SLC25A21: variants seen among roughly 807,000 people sequenced by gnomAD.
SLC25A21 encodes the protein mitochondrial 2-oxodicarboxylate carrier.
In SLC25A21, 47 loss-of-function variants were observed where a neutral mutation model predicts 43.8. That is an observed-to-expected ratio of 1.07 (90% CI 0.85 to 1.37). The LOEUF is 1.37. Among genes scored for constraint, SLC25A21 ranks in the 40% most tolerant of loss-of-function variants. The pLI is 0.00. For synonymous variants in SLC25A21, 131 were observed against 121.3 expected, an observed-to-expected ratio of 1.08 and a Z score of -0.52; for missense variants, 352 against 350.2, an observed-to-expected ratio of 1.00 and a Z score of -0.04.
chr14:37,079,882 TGG>T (rs1293877546), intron 1 of SLC25A21, among the ~76,000 whole-genome samples: 1 of 152,186 alleles, frequency 6.6e-6, no homozygotes, highest in Admixed American at 6.5e-5. Flanking sequence ...TGTTAGGATG[TGG>T]GGCTTGTGGT....
chr14:36,853,580 C>T (rs1393432701), intron 2 of SLC25A21, among the ~76,000 whole-genome samples: 1 of 151,922 alleles, frequency 6.6e-6, no homozygotes, highest in African/African-American at 2.4e-5. Flanking sequence ...GGCCTGGCTG[C>T]TCTCTCACAC....
intron 1 of SLC25A21, among the ~76,000 whole-genome samples, chr14:37,088,042 C>G (rs1200594099): frequency 1.3e-5 from 2 of 152,136 alleles, no homozygotes; most frequent in African/African-American, 2.4e-5. Flanking sequence ...CAACTTGTAA[C>G]TTGAAATGTG....
rs115221117 is a variant in SLC25A21 at position 36,733,765 on chromosome 14, G to A, written c.270+742C>T. ...TTATTTGGTGATGTCAGTGGTGCGG[G>A]GGAGGGGAGCAATGCCTGTCAGAGT... is the stretch of plus-strand genomic sequence containing the variant. On this transcript the variant is annotated intron_variant, in intron 4 of 9. Transcript: ENST00000331299. 4.6e-3 allele frequency among the ~76,000 whole-genome samples: 704 copies of A among 152,262 alleles called. 7 individuals are homozygous for A. The highest frequency in any genetic ancestry group is 0.016 in the African/African-American group (649 of 41,532).
At chr14:36,876,548 T>C (rs1890530021) in intron 1 of SLC25A21, among the ~76,000 whole-genome samples, 1 of 152,102 alleles carries the variant, frequency 6.6e-6, no homozygotes. Flanking sequence ...AGCTTTATTA[T>C]TAAGCCCTGT....
chr14:36,806,300 T>C (rs1456177905), intron 3 of SLC25A21, among the ~76,000 whole-genome samples: 14 of 152,128 alleles, frequency 9.2e-5, no homozygotes, highest in Admixed American at 9.2e-4. Context: ...TGAAAAATTC[T>C]AGTGCTCCAT....
chr14:36,922,264 G>A (rs1470554922), intron 1 of SLC25A21, among the ~76,000 whole-genome samples: 2 of 152,026 alleles, frequency 1.3e-5, no homozygotes, highest in Non-Finnish European at 2.9e-5. Flanking sequence ...GACAAAATAT[G>A]GAGCAACTAT....
At chr14:36,973,023 ATTTTATTTTAT>A (rs1171044117) in intron 1 of SLC25A21, among the ~76,000 whole-genome samples, 16 of 61,976 alleles carry the variant, frequency 2.6e-4, no homozygotes, top group African/African-American at 2.0e-3. Context: ...TTATTTATTT[ATTTTATTTTAT>A]TTTATTTTAT....
At chr14:36,788,569 A>C (rs1887335122) in intron 3 of SLC25A21, 1 of 143,884 alleles carries the variant, frequency 7.0e-6, no homozygotes, top group Non-Finnish European at 1.5e-5. Context: ...AACTGAGGAC[A>C]GGCATCCTAG....
chr14:36,700,994 C>CT (rs1185378658), intron 7 of SLC25A21, among the ~76,000 whole-genome samples: 4 of 151,970 alleles, frequency 2.6e-5, no homozygotes, highest in African/African-American at 7.2e-5. Context: ...AGTGAACTGC[C>CT]TTTTTTTTAA....
At chr14:36,980,675 T>A (rs2180599) in intron 1 of SLC25A21, among the ~76,000 whole-genome samples, 1 of 152,026 alleles carries the variant, frequency 6.6e-6, no homozygotes, top group Non-Finnish European at 1.5e-5. Context: ...ACTCATTCTC[T>A]GTCCAGCTTT....
chr14:36,826,984 T>TGGGGATGAGGAC (rs1888857073), intron 2 of SLC25A21, among the ~76,000 whole-genome samples: 1 of 152,170 alleles, frequency 6.6e-6, no homozygotes, highest in African/African-American at 2.4e-5. Flanking sequence ...TGGATGAGGA[T>TGGGGATGAGGAC]GGGGATGAGG....
chr14:37,102,295 A>G (rs1962831121), intron 1 of SLC25A21, among the ~76,000 whole-genome samples: 2 of 151,856 alleles, frequency 1.3e-5, no homozygotes, highest in South Asian at 4.2e-4. Context: ...ACAATAAAAA[A>G]AGCCAGATGC....
chr14:37,153,291 G>T (rs1963790235), intron 1 of SLC25A21, among the ~76,000 whole-genome samples: 1 of 152,340 alleles, frequency 6.6e-6, no homozygotes, highest in East Asian at 1.9e-4. Context: ...TGTCCTTCAG[G>T]CCAGCAGCAC....
chr14:36,749,029 C>T (rs897471371), intron 3 of SLC25A21, among the ~76,000 whole-genome samples: 5 of 152,214 alleles, frequency 3.3e-5, no homozygotes, highest in Non-Finnish European at 7.3e-5. Context: ...CTGCCAATCA[C>T]CGAATTTTGG....
intron 1 of SLC25A21, among the ~76,000 whole-genome samples, chr14:36,987,260 T>A (rs1960165951): frequency 6.6e-6 from 1 of 152,208 alleles, no homozygotes; most frequent in African/African-American, 2.4e-5. Context: ...TTGGTGGGAT[T>A]GCTTAGATTT....
At chr14:36,734,162 CTCTT>C (rs2139228073) in intron 4 of SLC25A21, among the ~76,000 whole-genome samples, 2 of 152,266 alleles carry the variant, frequency 1.3e-5, no homozygotes, top group African/African-American at 4.8e-5. Flanking sequence ...CCCTCCATCT[CTCTT>C]TCTTTAATAA....
At chr14:37,078,782 C>T (rs1021471981) in intron 1 of SLC25A21, among the ~76,000 whole-genome samples, 2 of 151,938 alleles carry the variant, frequency 1.3e-5, no homozygotes, top group East Asian at 1.9e-4. Context: ...TTTGATTATG[C>T]GTTATGTTCA....
intron 2 of SLC25A21, chr14:36,828,548 G>A (rs1447941661): frequency 6.6e-6 from 1 of 152,238 alleles, no homozygotes; most frequent in African/African-American, 2.4e-5. Context: ...ATCGCACACT[G>A]AGGAAAACCG....
intron 1 of SLC25A21, among the ~76,000 whole-genome samples, chr14:37,071,315 A>G (rs1566859433): frequency 6.6e-6 from 1 of 152,212 alleles, no homozygotes; most frequent in Non-Finnish European, 1.5e-5. Context: ...ATCAGATACT[A>G]TTTTTTAGAG....
Sources: allele counts gnomAD v4.1 joint callset (sites outside exome capture counted in the v4.1 genomes callset), GRCh38; gene constraint gnomAD v4.1.1; transcripts MANE v1.5; gene names NCBI Gene and HGNC (gene_info 2026-07-23, HGNC 2026-07-21).